LTBP1: variants seen among roughly 807,000 people sequenced by gnomAD.
LTBP1 encodes latent-transforming growth factor beta-binding protein 1.
A neutral mutation model predicts 207.6 loss-of-function variants in LTBP1; 129 were observed. The observed-to-expected ratio is 0.62, with a 90% CI of 0.54 to 0.72. The LOEUF is 0.72. LTBP1 is among the 30% of genes least tolerant of loss of function. The probability of loss-of-function intolerance (pLI) is 0.00; values close to 1 mark genes in which losing one functional copy is unlikely to be tolerated. For synonymous variants in LTBP1, 963 were observed against 833.7 expected (o/e 1.16, Z -2.67); for missense variants, 2,281 against 2,217.2 (o/e 1.03, Z -0.58).
chr2:33,387,843 C>T (rs2095280926), intron 31 of LTBP1, among the ~76,000 whole-genome samples: 2 of 151,796 alleles, frequency 1.3e-5, no homozygotes, highest in African/African-American at 2.4e-5. Flanking sequence ...GCAAGTGTGG[C>T]CATTGCCTTG....
intron 27 of LTBP1, 30 bp from the exon 28 acceptor site, chr2:33,361,397 CTT>C (rs11442294): frequency 2.3e-3 from 2,360 of 1,016,454 alleles, no homozygotes; most frequent in South Asian, 4.1e-3. Flanking sequence ...GATGTTGAAT[CTT>C]TTTTTTTTTT....
intron 9 of LTBP1, among the ~76,000 whole-genome samples, chr2:33,238,205 CAG>C (rs2092142089): frequency 6.6e-6 from 1 of 152,220 alleles, no homozygotes; most frequent in Admixed American, 6.5e-5. Flanking sequence ...TGAACACACA[CAG>C]ATGAATCTCC....
chr2:33,006,751 C>T (rs577921364), intron 2 of LTBP1, among the ~76,000 whole-genome samples: 2 of 138,456 alleles, frequency 1.4e-5, no homozygotes, highest in South Asian at 4.8e-4. Flanking sequence ...TTGCTTGTTC[C>T]TTTCAGCTAT....
At chr2:33,139,535 G>C (rs1040985446) in intron 5 of LTBP1, among the ~76,000 whole-genome samples, 2 of 152,218 alleles carry the variant, frequency 1.3e-5, no homozygotes, top group Non-Finnish European at 2.9e-5. Flanking sequence ...AGGATGCTTA[G>C]AGAGAAAAGA....
intron 8 of LTBP1, among the ~76,000 whole-genome samples, chr2:33,218,858 G>T (rs77725953): frequency 0.076 from 11,502 of 152,180 alleles, 943 homozygotes; most frequent in African/African-American, 0.2. Context: ...TGTACTGCAA[G>T]AAATTTCTCA....
At chr2:33,092,026 G>C (rs959385411) in intron 3 of LTBP1, among the ~76,000 whole-genome samples, 3 of 152,130 alleles carry the variant, frequency 2.0e-5, no homozygotes, top group Admixed American at 6.5e-5. Flanking sequence ...TTTACATCTT[G>C]AGTTTTTCAT....
intron 3 of LTBP1, among the ~76,000 whole-genome samples, chr2:33,049,356 G>A (rs1176734267): frequency 6.6e-6 from 1 of 152,168 alleles, no homozygotes; most frequent in Non-Finnish European, 1.5e-5. Flanking sequence ...AGTAGTTAGT[G>A]TATGAGATTG....
chr2:33,200,204 C>A (rs1239715137), intron 7 of LTBP1, among the ~76,000 whole-genome samples: 1 of 152,172 alleles, frequency 6.6e-6, no homozygotes, highest in Non-Finnish European at 1.5e-5. Flanking sequence ...CTGGAGGCAT[C>A]ACGCTACCTG....
intron 20 of LTBP1, among the ~76,000 whole-genome samples, chr2:33,299,621 A>G (rs1448788175): frequency 6.6e-6 from 1 of 152,186 alleles, no homozygotes; most frequent in Non-Finnish European, 1.5e-5. Context: ...ATTCAGCAGA[A>G]CATTCTGAGG....
chr2:33,145,096 T>G (rs2082916471), intron 5 of LTBP1, among the ~76,000 whole-genome samples: 1 of 152,192 alleles, frequency 6.6e-6, no homozygotes, highest in South Asian at 2.1e-4. Flanking sequence ...TTTAATGTGA[T>G]ACTGTCATTG....
At chr2:33,112,889 A>G (rs72871206) in intron 4 of LTBP1, among the ~76,000 whole-genome samples, 63 of 152,380 alleles carry the variant, frequency 4.1e-4, no homozygotes, top group African/African-American at 1.5e-3. Context: ...GAGGAAAAGC[A>G]GAAGCTTTTA....
At chr2:33,248,736 G>A (rs188531014) in intron 10 of LTBP1, among the ~76,000 whole-genome samples, 3 of 151,934 alleles carry the variant, frequency 2.0e-5, no homozygotes, top group Admixed American at 6.6e-5. Context: ...ACAGGCGTGC[G>A]CCACCACACC....
intron 10 of LTBP1, 47 bp downstream of exon 10, chr2:33,243,831 G>A (rs759629464): frequency 1.9e-6 from 3 of 1,607,362 alleles, no homozygotes; most frequent in South Asian, 2.2e-5. Context: ...AATTGTCTTT[G>A]GGGTTTTTCC....
chr2:33,116,607 T>C (rs889100894), intron 4 of LTBP1, among the ~76,000 whole-genome samples: 5 of 152,054 alleles, frequency 3.3e-5, no homozygotes, highest in African/African-American at 7.2e-5. Flanking sequence ...TTACTTAAAG[T>C]GTAAACAATT....
In LTBP1 at chr2:33,398,635, C is replaced by G; in HGVS notation, c.*90C>G. 1 of 1,278,822 alleles carries G rather than the reference C, an allele frequency of 7.8e-7. No homozygotes were observed. The highest frequency in any genetic ancestry group is 1.1e-6 in the Non-Finnish European group (1 of 941,206). The allele number at this position is 1,278,822 out of a possible 1,614,324, so 79.2% of individuals were successfully genotyped here. A position where few individuals can be genotyped will look rare whatever the true frequency, so the allele number is the denominator to read the frequency against. Reference sequence around the variant, plus strand: ...TTATACTTGAGACATTGCACCTACCCCGGAAGGCTGGAAATACAGAAACAG... The same window carrying G: ...TTATACTTGAGACATTGCACCTACCGCGGAAGGCTGGAAATACAGAAACAG... On this transcript the variant is annotated 3_prime_UTR_variant, in exon 34 of 34. Coordinates refer to ENST00000404816, the MANE Select transcript of LTBP1 (RefSeq NM_206943.4).
At chr2:32,997,047 G>T (rs1490857155) in intron 2 of LTBP1, among the ~76,000 whole-genome samples, 3 of 152,072 alleles carry the variant, frequency 2.0e-5, no homozygotes, top group African/African-American at 7.2e-5. Context: ...ACCATGCCTG[G>T]CTAATTTTTG....
chr2:33,142,062 C>CTTT (rs199630182), intron 5 of LTBP1, among the ~76,000 whole-genome samples: 9 of 151,892 alleles, frequency 5.9e-5, no homozygotes, highest in Non-Finnish European at 1.3e-4. Context: ...CTTCAGCATT[C>CTTT]TTTTTTTTAG....
chr2:33,137,119 A>G (rs1366491283), intron 5 of LTBP1, among the ~76,000 whole-genome samples: 3 of 152,192 alleles, frequency 2.0e-5, no homozygotes, highest in African/African-American at 7.2e-5. Flanking sequence ...TATAGAACTT[A>G]TAGACTGTGA....
At chr2:33,197,039 T>C (rs1328093456) in intron 7 of LTBP1, among the ~76,000 whole-genome samples, 2 of 152,214 alleles carry the variant, frequency 1.3e-5, no homozygotes, top group Non-Finnish European at 2.9e-5. Flanking sequence ...AACATTTCTA[T>C]TGTTTTGTTT....
Sources: gnomAD v4.1 joint callset for allele counts (sites outside exome capture counted in the v4.1 genomes callset) on GRCh38, gnomAD v4.1.1 for gene constraint, MANE v1.5 for transcripts, NCBI Gene and HGNC (gene_info 2026-07-23, HGNC 2026-07-21) for gene names.